TTC1: variants seen among roughly 807,000 people sequenced by gnomAD.
TTC1 encodes tetratricopeptide repeat domain 1, also known as tetratricopeptide repeat protein 1.
In TTC1, 31 loss-of-function variants were observed where a neutral mutation model predicts 37.6. The ratio of observed to expected loss-of-function variants is 0.82; its 90% CI spans 0.62 to 1.11. The LOEUF (loss-of-function observed/expected upper bound fraction) is 1.11. Among genes scored for constraint, TTC1 ranks in the 50% most tolerant of loss-of-function variants. TTC1 has a pLI of 0.00. For missense variants in TTC1, 351 were observed against 339.0 expected (o/e 1.04, Z -0.28); for synonymous variants, 127 against 122.4 (o/e 1.04, Z -0.25).
At chr5:160,043,048 A>C (rs1488479608) in intron 4 of TTC1, 85 bp from the exon 5 acceptor site, 3 of 1,352,514 alleles carry the variant, frequency 2.2e-6, no homozygotes, top group Middle Eastern at 1.8e-4. Flanking sequence ...ATAAGCAGTT[A>C]TTAGTGATCA....
chr5:160,040,620 C>G (rs1454537891), intron 4 of TTC1, among the ~76,000 whole-genome samples: 1 of 151,958 alleles, frequency 6.6e-6, no homozygotes. Flanking sequence ...GCTCTGTTGC[C>G]CAGGCTGGAG....
At chr5:160,010,950 A>G in intron 2 of TTC1, 92 bp downstream of exon 2, 3 of 1,217,078 alleles carry the variant, frequency 2.5e-6, no homozygotes, top group Non-Finnish European at 3.4e-6. Flanking sequence ...CATCTGTGGT[A>G]AAGAATAACT....
rs370754011 is a variant in TTC1 at position 160,049,527 on chromosome 5, C to T, written c.555C>T (p.Asn185=). The T allele has an allele frequency of 1.3e-6, 2 of 1,570,082 alleles. No homozygotes were observed. Among genetic ancestry groups the T allele is most frequent in the African/African-American group, 2.8e-5 (2 of 71,916 alleles). ...INDCSKAIQL[N]PSYIRAILRR... The stretch of plus-strand genomic sequence containing the variant: ...CTCTTTTTACAGCAATTCAATTAAA[C>T]CCCAGCTATATCAGGGCAATATTGA... Residue 185 remains asparagine, a synonymous_variant, in exon 6 of 8, where the codon AAC becomes AAT. Coordinates refer to ENST00000231238, the MANE Select transcript of TTC1 (RefSeq NM_003314.3).
chr5:160,013,742 CAAAA>C (rs35968051), intron 2 of TTC1, among the ~76,000 whole-genome samples: 1 of 92,162 alleles, frequency 1.1e-5, no homozygotes. Flanking sequence ...GACTCTGTCT[CAAAA>C]AAAAAAAAAA....
intron 4 of TTC1, among the ~76,000 whole-genome samples, chr5:160,038,084 C>T (rs1375667453): frequency 1.3e-5 from 2 of 150,340 alleles, no homozygotes; most frequent in African/African-American, 2.5e-5. Flanking sequence ...AGAAAGGTTA[C>T]GGTTTTTTTT....
intron 2 of TTC1, among the ~76,000 whole-genome samples, chr5:160,012,923 G>A (rs1756526681): frequency 6.6e-6 from 1 of 152,078 alleles, no homozygotes; most frequent in Admixed American, 6.5e-5. Context: ...AACCCTGCCA[G>A]TCTCTGGTTA....
chr5:160,045,249 A>G (rs1757184396), intron 5 of TTC1, among the ~76,000 whole-genome samples: 1 of 152,206 alleles, frequency 6.6e-6, no homozygotes. Context: ...CCCGAAGTGT[A>G]GGAGCCTTGC....
In TTC1 at chr5:160,064,986, A is replaced by G; in HGVS notation, c.800A>G (p.Glu267Gly). 6.2e-7 allele frequency: 1 copy of G among 1,614,080 alleles called. No homozygotes were observed. The highest frequency in any genetic ancestry group is 8.5e-7 in the Non-Finnish European group (1 of 1,180,024). Residue 267 changes from glutamate (E) to glycine (G), a missense_variant, in exon 8 of 8, where the codon GAA (glutamate) becomes GGA (glycine). Coordinates refer to ENST00000231238, the MANE Select transcript of TTC1 (RefSeq NM_003314.3). ...CTCCGACCTTTTGGGCTCTCCACGG[A>G]AAATTTCCAGATCAAACAGGATTCC... ...LVLRPFGLSTENFQIKQDSST... is the reference protein window; with the variant it reads ...LVLRPFGLSTGNFQIKQDSST...
intron 4 of TTC1, among the ~76,000 whole-genome samples, chr5:160,041,091 G>A (rs374230039): frequency 1.8e-3 from 281 of 151,916 alleles, no homozygotes; most frequent in African/African-American, 6.4e-3. Flanking sequence ...CCTCAAGAGC[G>A]ACACATACAT....
chr5:160,010,660 G>A lies in TTC1; in HGVS notation c.132G>A (p.Lys44=). 6.2e-7 allele frequency: 1 copy of A among 1,613,860 alleles called. No individual in the cohort carries two copies. The highest frequency in any genetic ancestry group is 8.5e-7 in the Non-Finnish European group (1 of 1,179,878). ...CCAAAAATCAGCATTCCCAGAGTAA[G>A]CTGCTCAGGGATGATGAGGCCCATC... ...PDPKNQHSQS[K]LLRDDEAHLQ... Residue 44 remains lysine (K), a synonymous_variant, in exon 2 of 8, where the codon AAG becomes AAA. Coordinates refer to ENST00000231238, the MANE Select transcript of TTC1 (RefSeq NM_003314.3).
chr5:160,049,974 G>A (rs934307906), intron 6 of TTC1, among the ~76,000 whole-genome samples: 1 of 152,248 alleles, frequency 6.6e-6, no homozygotes, highest in Non-Finnish European at 1.5e-5. Context: ...AGCTACTCGG[G>A]AGGCAGGAGA....
intron 7 of TTC1, among the ~76,000 whole-genome samples, chr5:160,061,298 C>A (rs1753385926): frequency 6.6e-6 from 1 of 152,252 alleles, no homozygotes. Flanking sequence ...TCTCTTCTTT[C>A]CTCCACCCCT....
At position 160,049,617 on chromosome 5, in the gene TTC1, A is replaced by G; in HGVS notation, c.645A>G (p.Ile215Met). 1.2e-6 allele frequency: 2 copies of G among 1,607,090 alleles called. No homozygotes were observed. The highest frequency in any genetic ancestry group is 1.1e-5 in the South Asian group (1 of 89,304). ...AAGCCCTGGAAGACTATAAATCTAT[A>G]TTAGAAAAAGATCCATCAATACATC... ...LDEALEDYKSILEKDPSIHQA... is the reference protein window; with the variant it reads ...LDEALEDYKSMLEKDPSIHQA... Residue 215 changes from isoleucine (I) to methionine (M), a missense_variant, in exon 6 of 8, where the codon ATA becomes ATG. Physicochemically the swap from Ile to Met is conservative, Grantham distance 10 (BLOSUM62 1). Transcript: ENST00000231238.
At chr5:160,038,517 C>G (rs1338816819) in intron 4 of TTC1, among the ~76,000 whole-genome samples, 2 of 152,178 alleles carry the variant, frequency 1.3e-5, no homozygotes, top group African/African-American at 4.8e-5. Flanking sequence ...TAGTCTGGTT[C>G]TTGAGTTAGG....
intron 2 of TTC1, among the ~76,000 whole-genome samples, chr5:160,023,406 C>T (rs938079953): frequency 6.6e-5 from 10 of 152,088 alleles, no homozygotes; most frequent in African/African-American, 1.9e-4. Context: ...ATCCTTCCCC[C>T]TCAGCCTCCC....
intron 7 of TTC1, among the ~76,000 whole-genome samples, chr5:160,061,200 C>T (rs1054858844): frequency 9.8e-5 from 15 of 152,344 alleles, no homozygotes; most frequent in South Asian, 4.1e-4. Context: ...TGGGCTTGCA[C>T]GGACAGCACC....
intron 2 of TTC1, among the ~76,000 whole-genome samples, chr5:160,021,177 C>A (rs140676315): frequency 6.6e-6 from 1 of 152,260 alleles, no homozygotes; most frequent in Non-Finnish European, 1.5e-5. Flanking sequence ...GTGTCTGACA[C>A]CACACACCTG....
At chr5:160,038,687 G>A (rs916411639) in intron 4 of TTC1, among the ~76,000 whole-genome samples, 3 of 145,576 alleles carry the variant, frequency 2.1e-5, no homozygotes, top group Admixed American at 6.9e-5. Context: ...TTTTGAGACG[G>A]AGTCTCACTC....
chr5:160,058,499 C>T (rs1249154109), intron 7 of TTC1, among the ~76,000 whole-genome samples: 1 of 151,524 alleles, frequency 6.6e-6, no homozygotes, highest in Non-Finnish European at 1.5e-5. Flanking sequence ...CAAGCTCCGC[C>T]TCCTGGGTTC....
Sources: allele counts gnomAD v4.1 joint callset (sites outside exome capture counted in the v4.1 genomes callset), GRCh38; gene constraint gnomAD v4.1.1; transcripts MANE v1.5; gene names NCBI Gene and HGNC (gene_info 2026-07-23, HGNC 2026-07-21).